BCAS3: variants seen among roughly 807,000 people sequenced by gnomAD.
BCAS3 encodes the protein BCAS4/BCAS3 fusion.
In BCAS3, 53 loss-of-function variants were observed where a neutral mutation model predicts 116.1. The ratio of observed to expected loss-of-function variants is 0.46; its 90% CI spans 0.37 to 0.57. BCAS3 has a LOEUF of 0.57. Ranked by LOEUF, BCAS3 falls within the 20% of genes least tolerant of loss-of-function variation. The probability of loss-of-function intolerance (pLI) is 0.00; values close to 1 mark genes in which losing one functional copy is unlikely to be tolerated. For synonymous variants in BCAS3, 391 were observed against 408.2 expected, an observed-to-expected ratio of 0.96 and a Z score of 0.51; for missense variants, 917 against 1,165.4, an observed-to-expected ratio of 0.79 and a Z score of 3.10.
chr17:60,976,020 CTTTTTT>C lies in BCAS3; in HGVS notation c.1222-13936_1222-13931del, dbSNP rs755966067. ...GCAAACATTTGTATATAGATTTTTG[CTTTTTT>C]TTTTTTTTTTTTTTCTTTTTGAGAT... On this transcript the variant is annotated intron_variant, in intron 14 of 23. Coordinates refer to ENST00000407086, the MANE Select transcript of BCAS3 (RefSeq NM_017679.5). 1.1e-3 allele frequency among the ~76,000 whole-genome samples: 109 copies of C among 98,310 alleles called. 1 individual carries two copies. Among genetic ancestry groups the C allele is most frequent in the East Asian group, 7.4e-3 (21 of 2,842 alleles). The allele number at this position is 98,310 out of a possible 152,430, so 64.5% of individuals were successfully genotyped here.
chr17:61,042,904 A>AAAAAAG (rs2067651612), intron 19 of BCAS3, among the ~76,000 whole-genome samples: 2 of 150,296 alleles, frequency 1.3e-5, no homozygotes, highest in African/African-American at 4.9e-5. Context: ...AAAAAAAAAA[A>AAAAAAG]AAAAAAAAAA....
At chr17:60,975,702 C>G (rs1335379531) in intron 14 of BCAS3, among the ~76,000 whole-genome samples, 3 of 152,210 alleles carry the variant, frequency 2.0e-5, no homozygotes, top group Non-Finnish European at 2.9e-5. Flanking sequence ...CTCCATCCCC[C>G]TCTCCCTGCT....
At chr17:60,705,890 A>C (rs1302276021) in intron 4 of BCAS3, among the ~76,000 whole-genome samples, 1 of 152,126 alleles carries the variant, frequency 6.6e-6, no homozygotes, top group Non-Finnish European at 1.5e-5. Context: ...AATTTGCAAA[A>C]ATGTCAGAGA....
chr17:61,321,527 G>A (rs544061456), intron 22 of BCAS3, among the ~76,000 whole-genome samples: 2 of 152,190 alleles, frequency 1.3e-5, no homozygotes, highest in East Asian at 3.9e-4. Flanking sequence ...GGCGGTAAGA[G>A]GCTGTGGTCA....
intron 22 of BCAS3, among the ~76,000 whole-genome samples, chr17:61,345,728 A>G (rs2057467073): frequency 6.6e-6 from 1 of 152,094 alleles, no homozygotes; most frequent in Admixed American, 6.6e-5. Context: ...TGAGGGTGTT[A>G]GAGGACCTAT....
At position 61,122,888 on chromosome 17, in the gene BCAS3, G is replaced by T. The variant is rs750917981; in HGVS notation, c.2425+38324G>T. Among the ~76,000 whole-genome samples the T allele has an allele frequency of 1.3e-5, 2 of 151,400 alleles. No individual in the cohort carries two copies. Among genetic ancestry groups the T allele is most frequent in the African/African-American group, 2.4e-5 (1 of 41,238 alleles). ...ATTTATGTTTAAATGGCTTATCTCAGAAAACTTGACCCAAGAGATAAAGAC... is the reference window on the plus strand; with the variant it reads ...ATTTATGTTTAAATGGCTTATCTCATAAAACTTGACCCAAGAGATAAAGAC... On this transcript the variant is annotated intron_variant, in intron 22 of 23. Coordinates refer to ENST00000407086, the MANE Select transcript of BCAS3 (RefSeq NM_017679.5). The surrounding 1 kb of genome is among the most constrained non-coding windows in gnomAD (Gnocchi z 4.6).
chr17:60,867,202 T>G (rs544212964), intron 7 of BCAS3, among the ~76,000 whole-genome samples: 1 of 151,830 alleles, frequency 6.6e-6, no homozygotes, highest in Admixed American at 6.6e-5. Context: ...GCCTCCCAGG[T>G]TCAAGCAATT....
chr17:61,277,262 CA>C lies in BCAS3; in HGVS notation c.2426-91044del, dbSNP rs58849968. Among the ~76,000 whole-genome samples, 470 of 101,722 alleles carry C rather than the reference CA, an allele frequency of 4.6e-3. 5 individuals are homozygous for C. Among genetic ancestry groups the C allele is most frequent in the African/African-American group, 0.016 (437 of 27,420 alleles). 66.7% of individuals were successfully genotyped at this position (101,722 alleles called of 152,430 possible). A position where few individuals can be genotyped will look rare whatever the true frequency, so the allele number is the denominator to read the frequency against. ...TGAGTGACAGAGCAAGACCCTGTAT[CA>C]AAAAAAAAAAAAAAAAAAAAGGTGG... On this transcript the variant is annotated intron_variant, in intron 22 of 23. Coordinates refer to ENST00000407086, the MANE Select transcript of BCAS3 (RefSeq NM_017679.5).
intron 19 of BCAS3, among the ~76,000 whole-genome samples, chr17:61,059,136 G>A (rs888075443): frequency 8.5e-5 from 11 of 129,072 alleles, no homozygotes; most frequent in African/African-American, 3.4e-4. Flanking sequence ...AGGCTGGAGT[G>A]CGGTGGCACA....
rs1420464709 is a variant in BCAS3 at position 61,243,382 on chromosome 17, A to T, written c.2426-124945A>T. ...TCTTTATCCATTCATTCATGGATGG[A>T]CATTTAGTTTGCTTCTACATCTTGA... On this transcript the variant is annotated intron_variant, in intron 22 of 23. Transcript: ENST00000407086. This position sits in a 1 kb window ranked among gnomAD's most constrained non-coding sequence, Gnocchi z 5.6. Among the ~76,000 whole-genome samples, 1 of 152,138 alleles carries T rather than the reference A, an allele frequency of 6.6e-6. No individual in the cohort carries two copies. The highest frequency in any genetic ancestry group is 1.5e-5 in the Non-Finnish European group (1 of 68,020).
intron 22 of BCAS3, among the ~76,000 whole-genome samples, chr17:61,225,016 T>TA (rs1312713885): frequency 6.6e-6 from 1 of 152,216 alleles, no homozygotes; most frequent in East Asian, 1.9e-4. Context: ...AGCTACCACT[T>TA]ACAGATGTTG....
At chr17:61,114,642 A>G (rs992919111) in intron 22 of BCAS3, among the ~76,000 whole-genome samples, 1 of 152,164 alleles carries the variant, frequency 6.6e-6, no homozygotes, top group African/African-American at 2.4e-5. Context: ...AAGAATCAAT[A>G]TCGTGAAAAT....
At chr17:61,074,682 G>A (rs2071783644) in intron 19 of BCAS3, among the ~76,000 whole-genome samples, 1 of 152,064 alleles carries the variant, frequency 6.6e-6, no homozygotes, top group Admixed American at 6.5e-5. Context: ...GTAGTTAGTT[G>A]TTTATTTCTT....
chr17:61,229,876 G>A lies in BCAS3; in HGVS notation c.2426-138451G>A, dbSNP rs975404816. Among the ~76,000 whole-genome samples, 2 of 152,246 alleles carry A rather than the reference G, an allele frequency of 1.3e-5. No individual in the cohort carries two copies. Among genetic ancestry groups the A allele is most frequent in the Non-Finnish European group, 2.9e-5 (2 of 68,046 alleles). ...GCGATGGCTTACGCCTGTAATCCCA[G>A]CACTTTGGGAGGCCAAGGCGGGCGG... On this transcript the variant is annotated intron_variant, in intron 22 of 23. Coordinates refer to ENST00000407086, the MANE Select transcript of BCAS3 (RefSeq NM_017679.5). This position sits in a 1 kb window ranked among gnomAD's most constrained non-coding sequence, Gnocchi z 4.4.
Position 61,104,804 on chromosome 17 carries a change from C to G in BCAS3, c.2425+20240C>G, listed in dbSNP as rs1267334639. Among the ~76,000 whole-genome samples, 1 of 152,186 alleles carries G rather than the reference C, an allele frequency of 6.6e-6. No homozygotes were observed. Among genetic ancestry groups the G allele is most frequent in the African/African-American group, 2.4e-5 (1 of 41,436 alleles). ...TACTCAGCAGAGTAACTTTGCCCAG[C>G]CCTGGAGCAGAACATTCTTAAAAGT... On this transcript the variant is annotated intron_variant, in intron 22 of 23. Transcript: ENST00000407086. The surrounding 1 kb of genome is among the most constrained non-coding windows in gnomAD (Gnocchi z 4.1).
At position 61,097,913 on chromosome 17, in the gene BCAS3, G is replaced by A. The variant is rs969486721; in HGVS notation, c.2425+13349G>A. On this transcript the variant is annotated intron_variant, in intron 22 of 23. Transcript: ENST00000407086. The surrounding 1 kb of genome is among the most constrained non-coding windows in gnomAD (Gnocchi z 4.0). ...AACACTGTATGCTGAAATGAGCCAC[G>A]TGGGAGTTGAAGAGAATCAACTATT... 2.0e-5 allele frequency among the ~76,000 whole-genome samples: 3 copies of A among 152,190 alleles called. No individual in the cohort carries two copies. Among genetic ancestry groups the A allele is most frequent in the Admixed American group, 6.5e-5 (1 of 15,276 alleles).
At chr17:60,951,495 C>T (rs1285912891) in intron 14 of BCAS3, among the ~76,000 whole-genome samples, 1 of 152,054 alleles carries the variant, frequency 6.6e-6, no homozygotes, top group Non-Finnish European at 1.5e-5. Context: ...CTTTGCTTGT[C>T]AATTTGTTGT....
intron 8 of BCAS3, among the ~76,000 whole-genome samples, chr17:60,873,613 A>T (rs1454473620): frequency 6.6e-6 from 1 of 152,150 alleles, no homozygotes; most frequent in Non-Finnish European, 1.5e-5. Context: ...AGTGTTTATA[A>T]CTAAATTATT....
At position 61,285,228 on chromosome 17, in the gene BCAS3, A is replaced by AG. The variant is rs2051639228; in HGVS notation, c.2426-83097dup. ...GGTGTTTTGCTTTTCCCCTCCTCCT[A>AG]GGTTGTGTGTGTGTGTGTGTGTGTG... On this transcript the variant is annotated intron_variant, in intron 22 of 23. Transcript: ENST00000407086. This position sits in a 1 kb window ranked among gnomAD's most constrained non-coding sequence, Gnocchi z 5.4. Among the ~76,000 whole-genome samples, 1 of 120,728 alleles carries AG rather than the reference A, an allele frequency of 8.3e-6. No individual in the cohort carries two copies. The highest frequency in any genetic ancestry group is 4.7e-5 in the African/African-American group (1 of 21,104). The allele number at this position is 120,728 out of a possible 152,430, so 79.2% of individuals were successfully genotyped here.
Sources: gnomAD v4.1 joint callset for allele counts (sites outside exome capture counted in the v4.1 genomes callset) on GRCh38, gnomAD v4.1.1 for gene constraint, Gnocchi (gnomAD v3.1) non-coding constraint, MANE v1.5 for transcripts, NCBI Gene and HGNC (gene_info 2026-07-23, HGNC 2026-07-21) for gene names.